The following TAFA1 variants were observed in gnomAD, a reference collection of about 807,000 sequenced individuals.
TAFA1 encodes TAFA chemokine like family member 1, also known as chemokine-like protein TAFA-1.
In TAFA1, 4 loss-of-function variants were observed where a neutral mutation model predicts 18.5. The observed-to-expected ratio is 0.22, with a 90% CI of 0.11 to 0.49. The LOEUF (loss-of-function observed/expected upper bound fraction) is 0.49. Among genes scored for constraint, TAFA1 ranks in the 20% least tolerant of loss-of-function variants. The pLI is 0.98. For missense variants in TAFA1, 147 were observed against 169.0 expected, an observed-to-expected ratio of 0.87 and a Z score of 0.72; for synonymous variants, 56 against 55.2, an observed-to-expected ratio of 1.01 and a Z score of -0.06.
intron 2 of TAFA1, among the ~76,000 whole-genome samples, chr3:68,219,005 CTT>C (rs11318088): frequency 1.1e-4 from 17 of 147,996 alleles, no homozygotes; most frequent in Admixed American, 3.4e-4. Flanking sequence ...CCTAAGCATT[CTT>C]TTTTTTTTTT....
rs189392027 is a variant in TAFA1 at position 68,102,836 on chromosome 3, C to G, written c.118+96092C>G. 2.5e-3 allele frequency among the ~76,000 whole-genome samples: 377 copies of G among 152,312 alleles called. 4 individuals are homozygous for G. The highest frequency in any genetic ancestry group is 8.7e-3 in the African/African-American group (362 of 41,562). On this transcript the variant is annotated intron_variant, in intron 2 of 4. Transcript: ENST00000478136. ...CAAGGTCTTGGGCTTAAGGGTCCAGCTCTGGCTTTCTTATGGTTGTGCTCC... is the reference window on the plus strand; with the variant it reads ...CAAGGTCTTGGGCTTAAGGGTCCAGGTCTGGCTTTCTTATGGTTGTGCTCC...
intron 2 of TAFA1, among the ~76,000 whole-genome samples, chr3:68,071,595 C>G (rs1479678980): frequency 3.3e-5 from 5 of 152,164 alleles, no homozygotes; most frequent in Non-Finnish European, 5.9e-5. Flanking sequence ...GCCAGCTCTG[C>G]CACTTGCTAG....
intron 3 of TAFA1, among the ~76,000 whole-genome samples, chr3:68,516,056 G>A (rs1356045676): frequency 1.3e-5 from 2 of 152,186 alleles, no homozygotes; most frequent in Non-Finnish European, 1.5e-5. Context: ...CTGTTCACAT[G>A]AGAGAGTACC....
intron 3 of TAFA1, among the ~76,000 whole-genome samples, chr3:68,434,902 C>A (rs528943912): frequency 6.6e-6 from 1 of 152,110 alleles, no homozygotes; most frequent in Non-Finnish European, 1.5e-5. Flanking sequence ...AATGCCAAAT[C>A]AGAAGATTCA....
intron 2 of TAFA1, among the ~76,000 whole-genome samples, chr3:68,208,657 A>G (rs950270836): frequency 1.3e-5 from 2 of 151,738 alleles, no homozygotes; most frequent in African/African-American, 4.8e-5. Flanking sequence ...CAATATTTTA[A>G]CCTCTATCTT....
chr3:68,364,555 A>G (rs1369614579), intron 2 of TAFA1, among the ~76,000 whole-genome samples: 2 of 152,222 alleles, frequency 1.3e-5, no homozygotes, highest in Non-Finnish European at 2.9e-5. Context: ...ACATTTCTAG[A>G]GGAACGTATT....
At chr3:68,155,829 G>T in intron 2 of TAFA1, among the ~76,000 whole-genome samples, 1 of 152,092 alleles carries the variant, frequency 6.6e-6, no homozygotes. Flanking sequence ...GTTTCATGAA[G>T]TAATTGCAGG....
chr3:68,086,654 A>G (rs912645030), intron 2 of TAFA1, among the ~76,000 whole-genome samples: 1 of 152,220 alleles, frequency 6.6e-6, no homozygotes, highest in African/African-American at 2.4e-5. Flanking sequence ...GGGGAAAGGA[A>G]GATGAAATAC....
chr3:68,000,775 G>A (rs977375511), upstream of TAFA1, among the ~76,000 whole-genome samples: 3 of 152,156 alleles, frequency 2.0e-5, no homozygotes, highest in Non-Finnish European at 4.4e-5. Flanking sequence ...GAGGGTAGTT[G>A]AATGGAGAGG....
At chr3:68,056,512 T>G (rs79618446) in intron 2 of TAFA1, among the ~76,000 whole-genome samples, 7 of 152,130 alleles carry the variant, frequency 4.6e-5, no homozygotes, top group Non-Finnish European at 1.0e-4. Flanking sequence ...CAGGTTTATT[T>G]TGGAGATGCA....
At position 68,498,416 on chromosome 3, in the gene TAFA1, A is replaced by T. The variant is rs150131030; in HGVS notation, c.260-40340A>T. On this transcript the variant is annotated intron_variant, in intron 3 of 4. Coordinates refer to ENST00000478136, the MANE Select transcript of TAFA1 (RefSeq NM_213609.4). The stretch of plus-strand genomic sequence containing the variant: ...GGGTTATAAATCAGAGATTAAACGT[A>T]AGCTGGGGGCTAAGAACAATGCCAC... Among the ~76,000 whole-genome samples the T allele has an allele frequency of 4.4e-4, 67 of 152,308 alleles. No individual in the cohort carries two copies. The East Asian group carries it at 8.3e-3, about 19-fold the overall frequency.
chr3:68,401,016 C>T (rs1299574458), intron 2 of TAFA1, among the ~76,000 whole-genome samples: 2 of 152,216 alleles, frequency 1.3e-5, no homozygotes, highest in African/African-American at 2.4e-5. Flanking sequence ...GCAATTTCCA[C>T]AGCCAGGCGT....
chr3:68,509,121 T>C (rs17047788), intron 3 of TAFA1, among the ~76,000 whole-genome samples: 11,146 of 152,154 alleles, frequency 0.073, 1,022 homozygotes, highest in East Asian at 0.29. Flanking sequence ...TAATATTCAT[T>C]GAGCACTTGG....
At chr3:68,300,503 C>T (rs1268915212) in intron 2 of TAFA1, among the ~76,000 whole-genome samples, 1 of 152,100 alleles carries the variant, frequency 6.6e-6, no homozygotes, top group African/African-American at 2.4e-5. Flanking sequence ...CTTGTCTTAT[C>T]TCAGATGAGG....
rs371899983 is a variant in TAFA1, at chr3:68,245,089, GT to G, written c.119-172185del. Among the ~76,000 whole-genome samples the G allele has an allele frequency of 5.0e-4, 76 of 152,252 alleles. 2 individuals carry two copies. In the East Asian group the frequency reaches 7.3e-3, roughly 15 times the overall value. On this transcript the variant is annotated intron_variant, in intron 2 of 4. Coordinates refer to ENST00000478136, the MANE Select transcript of TAFA1 (RefSeq NM_213609.4). ...CTCTTTAGAAGACCCTTAAAAATAC[GT>G]TTTTTCTATCTCAAGAACTCAGCTG...
intron 2 of TAFA1, chr3:68,247,412 G>C (rs1342059542): frequency 1.3e-5 from 2 of 152,194 alleles, no homozygotes; most frequent in African/African-American, 2.4e-5. Context: ...AACTCCAGCA[G>C]ACCTGCTCAA....
chr3:68,193,848 C>T (rs2066378287), intron 2 of TAFA1, among the ~76,000 whole-genome samples: 1 of 151,694 alleles, frequency 6.6e-6, no homozygotes, highest in South Asian at 2.1e-4. Flanking sequence ...AACCCTCAAA[C>T]CCAGTTTCTT....
At chr3:68,310,858 T>A (rs2068503276) in intron 2 of TAFA1, among the ~76,000 whole-genome samples, 1 of 150,812 alleles carries the variant, frequency 6.6e-6, no homozygotes, top group African/African-American at 2.4e-5. Flanking sequence ...ATTCAGAGAA[T>A]TTTTTTTTAG....
chr3:68,479,423 A>G (rs552930011), intron 3 of TAFA1, among the ~76,000 whole-genome samples: 59 of 151,996 alleles, frequency 3.9e-4, no homozygotes, highest in African/African-American at 8.7e-4. Context: ...AGCTCTTTCA[A>G]TGTCCTAAAT....
Sources: gnomAD v4.1 joint callset for allele counts (sites outside exome capture counted in the v4.1 genomes callset) on GRCh38, gnomAD v4.1.1 for gene constraint, MANE v1.5 for transcripts, NCBI Gene and HGNC (gene_info 2026-07-23, HGNC 2026-07-21) for gene names.